The following TAFA2 variants were observed in gnomAD, a reference collection of about 807,000 sequenced individuals.
TAFA2 encodes chemokine-like protein TAFA-2.
A neutral mutation model predicts 18.8 loss-of-function variants in TAFA2; 7 were observed. The ratio of observed to expected loss-of-function variants is 0.37; its 90% CI spans 0.21 to 0.70. The LOEUF is 0.70. TAFA2 is among the 30% of genes least tolerant of loss of function. The pLI is 0.53. For synonymous variants in TAFA2, 60 were observed against 54.2 expected (o/e 1.11, Z -0.47); for missense variants, 122 against 158.1 (o/e 0.77, Z 1.23).
At chr12:62,227,701 C>A (rs1362976411) in intron 1 of TAFA2, among the ~76,000 whole-genome samples, 1 of 152,152 alleles carries the variant, frequency 6.6e-6, no homozygotes, top group Non-Finnish European at 1.5e-5. Context: ...TTTGCCCAGA[C>A]CAATGTCCTG....
chr12:61,875,379 T>G lies in TAFA2; in HGVS notation c.-1-7953A>C, dbSNP rs150859651. On this transcript the variant is annotated intron_variant, in intron 1 of 4. Transcript: ENST00000416284. ...TCCTTATCAATTGCTTATTGTTTTA[T>G]AGTATTATCTATCTCCTCCAGGGTC... 3.3e-4 allele frequency among the ~76,000 whole-genome samples: 50 copies of G among 152,216 alleles called. No individual in the cohort carries two copies. The East Asian group carries it at 5.2e-3, about 16-fold the overall frequency.
At chr12:61,726,735 T>G (rs1321787868) in intron 4 of TAFA2, among the ~76,000 whole-genome samples, 1 of 152,092 alleles carries the variant, frequency 6.6e-6, no homozygotes, top group East Asian at 1.9e-4. Context: ...TTCTTTTTCT[T>G]ATCTGATTGC....
intron 1 of TAFA2, among the ~76,000 whole-genome samples, chr12:62,110,838 C>T (rs1869698095): frequency 6.6e-6 from 1 of 151,754 alleles, no homozygotes; most frequent in Non-Finnish European, 1.5e-5. Context: ...GCAGTGATAT[C>T]CCCTTTATCA....
At chr12:61,765,392 A>ATAGGCTATG (rs1425390524) in intron 2 of TAFA2, among the ~76,000 whole-genome samples, 2 of 152,110 alleles carry the variant, frequency 1.3e-5, no homozygotes, top group African/African-American at 4.8e-5. Flanking sequence ...CAATGTAATC[A>ATAGGCTATG]TAGGCTATGT....
intron 2 of TAFA2, among the ~76,000 whole-genome samples, chr12:61,839,725 A>G (rs1200613478): frequency 6.6e-6 from 1 of 152,074 alleles, no homozygotes; most frequent in Non-Finnish European, 1.5e-5. Context: ...AAGAACAATA[A>G]CACTGGAAGG....
intron 1 of TAFA2, among the ~76,000 whole-genome samples, chr12:62,180,447 G>A (rs1355126609): frequency 6.6e-6 from 1 of 152,100 alleles, no homozygotes; most frequent in Non-Finnish European, 1.5e-5. Context: ...TTTTGAGAAA[G>A]TTTCTAAGTG....
chr12:62,132,098 T>C (rs1038056361), intron 1 of TAFA2, among the ~76,000 whole-genome samples: 14 of 151,660 alleles, frequency 9.2e-5, no homozygotes, highest in African/African-American at 2.9e-4. Context: ...ATTTAAAATC[T>C]ACATTGATAA....
At chr12:62,170,992 C>G (rs1475983377) in intron 1 of TAFA2, among the ~76,000 whole-genome samples, 4 of 152,036 alleles carry the variant, frequency 2.6e-5, no homozygotes, top group Non-Finnish European at 4.4e-5. Context: ...CTAAATTGAT[C>G]CATAGTTTAG....
chr12:62,039,108 C>A (rs953403917), intron 1 of TAFA2, among the ~76,000 whole-genome samples: 4 of 152,148 alleles, frequency 2.6e-5, no homozygotes, highest in Non-Finnish European at 5.9e-5. Context: ...TTTGAGACGT[C>A]AGTGCAGGGA....
chr12:61,759,018 T>C (rs1392749337), intron 2 of TAFA2, among the ~76,000 whole-genome samples: 1 of 151,970 alleles, frequency 6.6e-6, no homozygotes, highest in African/African-American at 2.4e-5. Flanking sequence ...CAGGAGCACA[T>C]GGTGAGTTTC....
At chr12:61,749,415 A>G (rs1025915407) in intron 4 of TAFA2, among the ~76,000 whole-genome samples, 1 of 152,134 alleles carries the variant, frequency 6.6e-6, no homozygotes, top group Non-Finnish European at 1.5e-5. Flanking sequence ...ATAAGATAAT[A>G]CCTGCAATGT....
intron 4 of TAFA2, among the ~76,000 whole-genome samples, chr12:61,723,446 G>T (rs188131607): frequency 1.2e-3 from 189 of 152,192 alleles, no homozygotes; most frequent in Non-Finnish European, 2.5e-3. Context: ...TCAGAAGAAG[G>T]AAAGCTAGAA....
At chr12:61,851,585 G>C (rs979570038) in intron 2 of TAFA2, among the ~76,000 whole-genome samples, 1 of 150,228 alleles carries the variant, frequency 6.7e-6, no homozygotes, top group Non-Finnish European at 1.5e-5. Context: ...GACCATCCTG[G>C]CTAACACGGT....
chr12:61,924,311 A>T (rs1474872469), intron 1 of TAFA2, among the ~76,000 whole-genome samples: 1 of 152,194 alleles, frequency 6.6e-6, no homozygotes, highest in Non-Finnish European at 1.5e-5. Context: ...GTTGAAATGA[A>T]GAAAAAAATG....
intron 1 of TAFA2, among the ~76,000 whole-genome samples, chr12:61,951,304 G>A (rs949481604): frequency 2.0e-5 from 3 of 152,098 alleles, no homozygotes; most frequent in Non-Finnish European, 2.9e-5. Flanking sequence ...GATTTTACAG[G>A]CAAATATGTT....
chr12:61,756,647 G>T (rs999296671), intron 2 of TAFA2, among the ~76,000 whole-genome samples: 1 of 151,940 alleles, frequency 6.6e-6, no homozygotes, highest in South Asian at 2.1e-4. Context: ...AAGCACCCAC[G>T]GTAATAATTA....
chr12:62,231,480 T>C (rs996016477), intron 1 of TAFA2, among the ~76,000 whole-genome samples: 5 of 152,182 alleles, frequency 3.3e-5, no homozygotes, highest in African/African-American at 1.2e-4. Context: ...GTAAAGTGAG[T>C]TTCACGTAGG....
intron 1 of TAFA2, among the ~76,000 whole-genome samples, chr12:62,073,164 G>GA (rs1314245445): frequency 6.6e-6 from 1 of 152,032 alleles, no homozygotes. Flanking sequence ...AGGGGACAGA[G>GA]TAAGACAAAG....
At chr12:62,238,107 G>A in intron 1 of TAFA2, among the ~76,000 whole-genome samples, 1 of 152,310 alleles carries the variant, frequency 6.6e-6, no homozygotes, top group South Asian at 2.1e-4. Flanking sequence ...AGGGAACCCA[G>A]GATGGTGGGA....
Sources: allele counts gnomAD v4.1 joint callset (sites outside exome capture counted in the v4.1 genomes callset), GRCh38; gene constraint gnomAD v4.1.1; transcripts MANE v1.5; gene names NCBI Gene and HGNC (gene_info 2026-07-23, HGNC 2026-07-21).